The following SYCP2 variants were observed in gnomAD, a reference collection of about 807,000 sequenced individuals.
The protein encoded by SYCP2 is synaptonemal complex protein 2.
SYCP2 carries 55 observed loss-of-function variants against 211.3 expected under a neutral mutation model. The ratio of observed to expected loss-of-function variants is 0.26; its 90% CI spans 0.21 to 0.33. The LOEUF (loss-of-function observed/expected upper bound fraction) is 0.33, where lower values mean the gene tolerates loss of function less well. Among genes scored for constraint, SYCP2 ranks in the 10% least tolerant of loss-of-function variants. The probability of loss-of-function intolerance (pLI) is 1.00; values close to 1 mark genes in which losing one functional copy is unlikely to be tolerated. For synonymous variants in SYCP2, 570 were observed against 555.2 expected, an observed-to-expected ratio of 1.03 and a Z score of -0.37; for missense variants, 1,731 against 1,752.0, an observed-to-expected ratio of 0.99 and a Z score of 0.21.
At chr20:59,875,580 A>C in intron 33 of SYCP2, 111 bp from the exon 34 acceptor site, 1 of 747,546 alleles carries the variant, frequency 1.3e-6, no homozygotes. Context: ...TACCACATAC[A>C]GGCATAACAA....
chr20:59,928,529 A>T (rs1214232248), intron 2 of SYCP2, among the ~76,000 whole-genome samples: 1 of 152,208 alleles, frequency 6.6e-6, no homozygotes. Flanking sequence ...AATAACTTTT[A>T]AAATATTAGA....
chr20:59,914,334 A>G, intron 10 of SYCP2, 83 bp from the exon 11 acceptor site: 1 of 731,570 alleles, frequency 1.4e-6, no homozygotes. Context: ...AGGTATTAGA[A>G]TAAGCAAGAG....
chr20:59,881,499 T>A lies in SYCP2; in HGVS notation c.2659-7A>T, dbSNP rs549813824. 5.3e-5 allele frequency: 76 copies of A among 1,446,726 alleles called. 1 individual carries two copies. In the South Asian group the frequency reaches 9.8e-4, roughly 19 times the overall value. The allele number at this position is 1,446,726 out of a possible 1,614,324, so 89.6% of individuals were successfully genotyped here. A position where few individuals can be genotyped will look rare whatever the true frequency, so the allele number is the denominator to read the frequency against. ...TAGCTTGAAACTCTTGGATCTATATTGTAAATAAACAAAAAAAAAGAGGTG... is the reference window on the plus strand; with the variant it reads ...TAGCTTGAAACTCTTGGATCTATATAGTAAATAAACAAAAAAAAAGAGGTG... On this transcript the variant is annotated splice_polypyrimidine_tract_variant and splice_region_variant and intron_variant, in intron 28 of 44. Coordinates refer to ENST00000357552, the MANE Select transcript of SYCP2 (RefSeq NM_014258.4).
In SYCP2 at chr20:59,900,281, G is replaced by C. The variant is rs1043778822; in HGVS notation, c.1261C>G (p.Leu421Val). The part of the protein sequence containing the change: ...ILFDASGSQI[L>V]VPESQISPVG... ...GGTGAGATTTGACTTTCTGGCACTA[G>C]AATCTGTTGGAGAATATGAAAAAAA... The change falls in exon 18 of 45, where the codon CTA (leucine) becomes GTA (valine). Residue 421 changes from leucine to valine, a missense_variant. By Grantham distance (32) the Leu-to-Val change is conservative. Coordinates refer to ENST00000357552, the MANE Select transcript of SYCP2 (RefSeq NM_014258.4). 6.3e-7 allele frequency: 1 copy of C among 1,595,986 alleles called. No individual in the cohort carries two copies. The highest frequency in any genetic ancestry group is 8.5e-7 in the Non-Finnish European group (1 of 1,174,834).
In SYCP2 at chr20:59,907,551, T is replaced by C. The variant is rs574714153; in HGVS notation, c.973-127A>G. On this transcript the variant is annotated intron_variant, in intron 14 of 44. Coordinates refer to ENST00000357552, the MANE Select transcript of SYCP2 (RefSeq NM_014258.4). ...CTAGTCACTAAGTAACTAGTTTATA[T>C]AACACCTTTCTTGCTCCACCAATTA... 1.0e-4 allele frequency: 65 copies of C among 652,692 alleles called. No individual in the cohort carries two copies. The East Asian group carries it at 1.7e-3, about 17-fold the overall frequency. 40.4% of individuals were successfully genotyped at this position (652,692 alleles called of 1,614,324 possible). A position where few individuals can be genotyped will look rare whatever the true frequency, so the allele number is the denominator to read the frequency against.
At chr20:59,870,553 C>CA (rs1420621866) in intron 35 of SYCP2, among the ~76,000 whole-genome samples, 1 of 151,196 alleles carries the variant, frequency 6.6e-6, no homozygotes, top group African/African-American at 2.4e-5. Flanking sequence ...GGAAATAAGA[C>CA]AAAAAAGTGG....
At chr20:59,879,858 TATATACACAC>T (rs1568922181) in intron 31 of SYCP2, among the ~76,000 whole-genome samples, 1 of 116,732 alleles carries the variant, frequency 8.6e-6, no homozygotes, top group Non-Finnish European at 1.8e-5. Flanking sequence ...TATATATATA[TATATACACAC>T]ACACACACAC....
chr20:59,925,286 G>C (rs549279968), intron 2 of SYCP2, among the ~76,000 whole-genome samples: 3 of 151,986 alleles, frequency 2.0e-5, no homozygotes, highest in African/African-American at 7.2e-5. Flanking sequence ...CAGGTTGATA[G>C]GTGCAGCAAA....
intron 2 of SYCP2, among the ~76,000 whole-genome samples, chr20:59,926,215 T>C (rs1306897442): frequency 6.6e-6 from 1 of 152,088 alleles, no homozygotes; most frequent in Non-Finnish European, 1.5e-5. Flanking sequence ...CAGCTATGTG[T>C]GGACTCTCAC....
intron 2 of SYCP2, among the ~76,000 whole-genome samples, chr20:59,929,976 TCAC>T (rs1331600707): frequency 6.6e-6 from 1 of 152,280 alleles, no homozygotes; most frequent in Non-Finnish European, 1.5e-5. Flanking sequence ...ACCCTTTCAA[TCAC>T]CACAACCATT....
In SYCP2 at chr20:59,881,437, A is replaced by G; in HGVS notation, c.2714T>C (p.Leu905Ser). ...ATTTTAATCTAATAAAAATACCTACAATCTAATTGACCTATCCGCACAAGC... is the reference window on the plus strand; with the variant it reads ...ATTTTAATCTAATAAAAATACCTACGATCTAATTGACCTATCCGCACAAGC... ...KEACADRSIR[L>S]VGPRNHDELK... The change falls in exon 29 of 45, where the codon TTG becomes TCG. Residue 905 changes from leucine to serine, a missense_variant and splice_region_variant. This residue lies in a region of SYCP2 where 1,387 missense variants were observed against 1,351.3 expected (regional missense o/e 1.03). Coordinates refer to ENST00000357552, the MANE Select transcript of SYCP2 (RefSeq NM_014258.4). 1 of 1,486,898 alleles carries G rather than the reference A, an allele frequency of 6.7e-7. No individual in the cohort carries two copies. The allele number at this position is 1,486,898 out of a possible 1,614,324, so 92.1% of individuals were successfully genotyped here. A position where few individuals can be genotyped will look rare whatever the true frequency, so the allele number is the denominator to read the frequency against.
rs764927550 is a variant in SYCP2, at chr20:59,891,978, T to C, written c.2364+12A>G. The stretch of plus-strand genomic sequence containing the variant: ...ATGGATATGCAGAAATCAAAACACA[T>C]TGAAAGCTCACCATTTTTTTTTGTT... On this transcript the variant is annotated intron_variant, in intron 24 of 44. Transcript: ENST00000357552. The C allele has an allele frequency of 3.1e-5, 49 of 1,567,362 alleles. No homozygotes were observed. The highest frequency in any genetic ancestry group is 7.4e-5 in the South Asian group (6 of 80,832).
intron 6 of SYCP2, 94 bp downstream of exon 6, chr20:59,919,399 T>TA: frequency 1.1e-6 from 1 of 923,818 alleles, no homozygotes; most frequent in East Asian, 2.5e-5. Context: ...ACCAATCTGT[T>TA]AGTGACTTTT....
At chr20:59,896,264 A>G (rs966217913) in intron 19 of SYCP2, among the ~76,000 whole-genome samples, 165 bp downstream of exon 19, 3 of 152,126 alleles carry the variant, frequency 2.0e-5, no homozygotes, top group African/African-American at 7.2e-5. Context: ...TTCATATGTT[A>G]GCATTATACT....
At chr20:59,879,690 CTT>C (rs2059628638) in intron 31 of SYCP2, among the ~76,000 whole-genome samples, 1 of 149,828 alleles carries the variant, frequency 6.7e-6, no homozygotes, top group Admixed American at 6.7e-5. Flanking sequence ...TTGTGGAAAA[CTT>C]AGACCCAAAA....
chr20:59,876,048 T>C (rs568280667), intron 33 of SYCP2, among the ~76,000 whole-genome samples: 172 of 152,036 alleles, frequency 1.1e-3, no homozygotes, highest in Non-Finnish European at 2.1e-3. Context: ...TGAGAAGGCA[T>C]GTGACTATTT....
chr20:59,915,426 G>A (rs1173881900), intron 9 of SYCP2, 39 bp downstream of exon 9: 1 of 1,338,950 alleles, frequency 7.5e-7, no homozygotes, highest in Non-Finnish European at 1.1e-6. Context: ...CATTCTTATG[G>A]ATTTTAAGAA....
Position 59,865,749 on chromosome 20 carries a change from TTTA to T in SYCP2, c.4379+55_4379+57del, listed in dbSNP as rs999280789. ...ATAATTTTAATTTTTCAAATAGAAATTTATTAATTTAAAAATCTAATTTTATAG... is the reference window on the plus strand; with the variant it reads ...ATAATTTTAATTTTTCAAATAGAAATTTAATTTAAAAATCTAATTTTATAG... On this transcript the variant is annotated intron_variant, in intron 42 of 44. Transcript: ENST00000357552. The T allele has an allele frequency of 1.3e-5, 13 of 1,034,592 alleles. No individual in the cohort carries two copies. In the Admixed American group the frequency reaches 3.0e-4, roughly 24 times the overall value. 64.1% of individuals were successfully genotyped at this position (1,034,592 alleles called of 1,614,324 possible).
chr20:59,888,366 C>T (rs1040855564), intron 24 of SYCP2, among the ~76,000 whole-genome samples: 12 of 151,956 alleles, frequency 7.9e-5, no homozygotes, highest in Admixed American at 3.3e-4. Context: ...AATTAATGTA[C>T]TCCATCATAA....
Sources: gnomAD v4.1 joint callset for allele counts (sites outside exome capture counted in the v4.1 genomes callset) on GRCh38, gnomAD v4.1.1 for gene constraint, gnomAD v4.1.1 regional missense constraint, MANE v1.5 for transcripts, NCBI Gene and HGNC (gene_info 2026-07-23, HGNC 2026-07-21) for gene names.